Variants in SLC12A4 observed in about 807,000 individuals in gnomAD.
The protein encoded by SLC12A4 is electroneutral potassium-chloride cotransporter 1.
SLC12A4 carries 84 observed loss-of-function variants against 119.2 expected under a neutral mutation model. That is an observed-to-expected ratio of 0.70 (90% CI 0.59 to 0.85). SLC12A4 has a LOEUF of 0.85. SLC12A4 is among the 40% of genes least tolerant of loss of function. The pLI is 0.00. For synonymous variants in SLC12A4, 599 were observed against 604.6 expected (o/e 0.99, Z 0.14); for missense variants, 1,298 against 1,476.3 (o/e 0.88, Z 1.98).
chr16:67,952,193 G>C lies in SLC12A4; in HGVS notation c.908C>G (p.Pro303Arg), dbSNP rs373616736. ...AGGIKSIFDPPVFPVCMLGNR... is the reference protein window; with the variant it reads ...AGGIKSIFDPRVFPVCMLGNR... The stretch of plus-strand genomic sequence containing the variant: ...TTCCTGGGTTACTTACGGAAACACG[G>C]GAGGGTCAAATATAGACTTTATGCC... The change falls in exon 7 of 24, where the codon CCC becomes CGC. Residue 303 changes from proline to arginine, a missense_variant. By Grantham distance (103) the Pro-to-Arg change is moderately radical. Transcript: ENST00000316341. 1.9e-6 allele frequency: 3 copies of C among 1,613,844 alleles called. No individual in the cohort carries two copies. The highest frequency in any genetic ancestry group is 1.7e-5 in the Admixed American group (1 of 59,988).
rs567542501 is a variant in SLC12A4 at position 67,946,958 on chromosome 16, G to A, written c.2220C>T (p.Gly740=). The A allele has an allele frequency of 5.0e-6, 8 of 1,613,094 alleles. No individual in the cohort carries two copies. In the South Asian group the frequency reaches 6.6e-5, roughly 13 times the overall value. ...VIQGSFLESY[G]EAQAAEQTIK... ...GTACCTGCTCGGCGGCCTGAGCCTC[G>A]CCATAGCTCTCCAAGAAGCTCCCCT... The change falls in exon 17 of 24, where the codon GGC becomes GGT. Residue 740 remains glycine (G), a synonymous_variant. Coordinates refer to ENST00000316341, the MANE Select transcript of SLC12A4 (RefSeq NM_005072.5).
rs2058319566 is a variant in SLC12A4, at chr16:67,944,637, C to T, written c.*203G>A. ...GCTAGATAGTAAAGTCCCCAAACAT[C>T]CCAGGGTCCCACAAGACCTGGGATC... is the stretch of plus-strand genomic sequence containing the variant. On this transcript the variant is annotated 3_prime_UTR_variant, in exon 24 of 24. Coordinates refer to ENST00000316341, the MANE Select transcript of SLC12A4 (RefSeq NM_005072.5). This position sits in a 1 kb window ranked among gnomAD's most constrained non-coding sequence, Gnocchi z 6.6. 7.0e-7 allele frequency: 1 copy of T among 1,420,588 alleles called. No homozygotes were observed. Among genetic ancestry groups the T allele is most frequent in the East Asian group, 2.5e-5 (1 of 39,324 alleles). 88.0% of individuals were successfully genotyped at this position (1,420,588 alleles called of 1,614,324 possible).
rs773307386 is a variant in SLC12A4 at position 67,950,404 on chromosome 16, G to A, written c.1544C>T (p.Thr515Met). The A allele has an allele frequency of 6.2e-6, 10 of 1,614,020 alleles. No homozygotes were observed. Among genetic ancestry groups the A allele is most frequent in the South Asian group, 3.3e-5 (3 of 91,084 alleles). Reference sequence around the variant, plus strand: ...GAGGCTCTGGAGGCCAGCGCCACACGTTGAAAAGAAGGAGCCGATGACGAT... The same window carrying A: ...GAGGCTCTGGAGGCCAGCGCCACACATTGAAAAGAAGGAGCCGATGACGAT... The part of the protein sequence containing the change: ...WVIVIGSFFS[T>M]CGAGLQSLTG... The change falls in exon 12 of 24, where the codon ACG (threonine) becomes ATG (methionine). Residue 515 changes from threonine (T) to methionine (M), a missense_variant. Coordinates refer to ENST00000316341, the MANE Select transcript of SLC12A4 (RefSeq NM_005072.5). This position sits in a 1 kb window ranked among gnomAD's most constrained non-coding sequence, Gnocchi z 4.3.
intron 6 of SLC12A4, 54 bp downstream of exon 6, chr16:67,954,589 C>T (rs2030142637): frequency 6.2e-7 from 1 of 1,608,692 alleles, no homozygotes; most frequent in African/African-American, 1.3e-5. Flanking sequence ...TGTTTGGAGT[C>T]CAAAGGGACT....
chr16:67,968,389 G>A (rs1598237372), intron 1 of SLC12A4, 50 bp downstream of exon 1: 2 of 1,479,126 alleles, frequency 1.4e-6, no homozygotes, highest in Non-Finnish European at 1.8e-6. Context: ...TGGCGGCCCC[G>A]GGTGGCAGGC....
In SLC12A4 at chr16:67,944,195, G is replaced by T; in HGVS notation, c.*645C>A. ...GGGCCCTAGGGCCAGTGGGAGGGACGGCCTGGCCAGTGGGGGTTGTGGCCA... is the reference window on the plus strand; with the variant it reads ...GGGCCCTAGGGCCAGTGGGAGGGACTGCCTGGCCAGTGGGGGTTGTGGCCA... On this transcript the variant is annotated 3_prime_UTR_variant, in exon 24 of 24. Coordinates refer to ENST00000316341, the MANE Select transcript of SLC12A4 (RefSeq NM_005072.5). The surrounding 1 kb of genome is among the most constrained non-coding windows in gnomAD (Gnocchi z 6.6). 1.3e-6 allele frequency: 2 copies of T among 1,488,152 alleles called. No individual in the cohort carries two copies. Among genetic ancestry groups the T allele is most frequent in the Non-Finnish European group, 1.8e-6 (2 of 1,111,620 alleles). 92.2% of individuals were successfully genotyped at this position (1,488,152 alleles called of 1,614,324 possible). A position where few individuals can be genotyped will look rare whatever the true frequency, so the allele number is the denominator to read the frequency against.
Position 67,944,415 on chromosome 16 carries a change from T to C in SLC12A4, c.*425A>G. ...TCAGCTTGGTGGGGGGCCCTGCCCA[T>C]AGTAGACTGAGCCAGATCTTCCTGC... On this transcript the variant is annotated 3_prime_UTR_variant, in exon 24 of 24. Transcript: ENST00000316341. This position sits in a 1 kb window ranked among gnomAD's most constrained non-coding sequence, Gnocchi z 6.6. 1.5e-6 allele frequency: 2 copies of C among 1,291,632 alleles called. No homozygotes were observed. Among genetic ancestry groups the C allele is most frequent in the Non-Finnish European group, 2.0e-6 (2 of 1,019,056 alleles). The allele number at this position is 1,291,632 out of a possible 1,614,324, so 80.0% of individuals were successfully genotyped here.
At position 67,951,002 on chromosome 16, in the gene SLC12A4, A is replaced by G; in HGVS notation, c.1356T>C (p.Pro452=). 1 of 1,613,922 alleles carries G rather than the reference A, an allele frequency of 6.2e-7. No homozygotes were observed. Among genetic ancestry groups the G allele is most frequent in the East Asian group, 2.2e-5 (1 of 44,886 alleles). The change falls in exon 10 of 24, where the codon CCT becomes CCC. Residue 452 remains proline, a synonymous_variant. Coordinates refer to ENST00000316341, the MANE Select transcript of SLC12A4 (RefSeq NM_005072.5). The surrounding 1 kb of genome is among the most constrained non-coding windows in gnomAD (Gnocchi z 5.2). ...TAATGATGGCCAGAATGGTCCCCAC[A>G]GGGATAGACTTCTGGGCGTCACGAA... ...GDLRDAQKSI[P]VGTILAIITT...
chr16:67,968,592 G>GCCCGCCGCTGTCCCCGCCGCTGTC lies in SLC12A4; in HGVS notation c.-63_-40dup. The GCCCGCCGCTGTCCCCGCCGCTGTC allele has an allele frequency of 1.3e-5, 19 of 1,448,644 alleles. No homozygotes were observed. Among genetic ancestry groups the GCCCGCCGCTGTCCCCGCCGCTGTC allele is most frequent in the East Asian group, 3.0e-5 (1 of 32,998 alleles). The allele number at this position is 1,448,644 out of a possible 1,614,324, so 89.7% of individuals were successfully genotyped here. A position where few individuals can be genotyped will look rare whatever the true frequency, so the allele number is the denominator to read the frequency against. On this transcript the variant is annotated 5_prime_UTR_variant, in exon 1 of 24. Transcript: ENST00000316341. ...CCCCGCCGCACCCGCCGTCCCAGCC[G>GCCCGCCGCTGTCCCCGCCGCTGTC]CCCGCCGCTGTCCCCGCCGCTGTCC...
rs2058414456 is a variant in SLC12A4 at position 67,951,380 on chromosome 16, G to A, written c.1133-76C>T. The A allele has an allele frequency of 6.6e-6, 10 of 1,517,688 alleles. No individual in the cohort carries two copies. Among genetic ancestry groups the A allele is most frequent in the African/African-American group, 1.4e-5 (1 of 72,444 alleles). The allele number at this position is 1,517,688 out of a possible 1,614,324, so 94.0% of individuals were successfully genotyped here. Reference sequence around the variant, plus strand: ...AGTTTGGGGCAGCCTAGCCAGAGGCGCAGATGCAGGGCAACTTTGGGGACT... The same window carrying A: ...AGTTTGGGGCAGCCTAGCCAGAGGCACAGATGCAGGGCAACTTTGGGGACT... On this transcript the variant is annotated intron_variant, in intron 8 of 23. Coordinates refer to ENST00000316341, the MANE Select transcript of SLC12A4 (RefSeq NM_005072.5). This position sits in a 1 kb window ranked among gnomAD's most constrained non-coding sequence, Gnocchi z 5.2.
chr16:67,959,069 G>C (rs1048046812), intron 3 of SLC12A4, among the ~76,000 whole-genome samples: 1 of 152,272 alleles, frequency 6.6e-6, no homozygotes, highest in African/African-American at 2.4e-5. Flanking sequence ...GTGGTGCTTT[G>C]GAAGCCCCTG....
rs545719685 is a variant in SLC12A4, at chr16:67,952,257, C to A, written c.844G>T (p.Ala282Ser). ...YVNKFASLFL[A>S]CVIISILSIY... ...GAGAGGATGGAGATGATCACACAGG[C>A]CAGGAAGAGCGAGGCAAATTTGTTC... Residue 282 changes from alanine to serine, a missense_variant, in exon 7 of 24, where the codon GCC (alanine) becomes TCC (serine). Coordinates refer to ENST00000316341, the MANE Select transcript of SLC12A4 (RefSeq NM_005072.5). The A allele has an allele frequency of 6.2e-7, 1 of 1,614,096 alleles. No homozygotes were observed. Among genetic ancestry groups the A allele is most frequent in the Admixed American group, 1.7e-5 (1 of 60,016 alleles).
intron 15 of SLC12A4, 106 bp downstream of exon 15, chr16:67,947,563 G>A (rs1567415073): frequency 3.0e-5 from 45 of 1,508,688 alleles, no homozygotes; most frequent in Non-Finnish European, 3.9e-5. Context: ...CCCCAGTCCT[G>A]GCACCCACGG....
At chr16:67,959,726 G>A (rs906539538) in intron 3 of SLC12A4, among the ~76,000 whole-genome samples, 2 of 152,206 alleles carry the variant, frequency 1.3e-5, no homozygotes, top group African/African-American at 4.8e-5. Context: ...AGGACAGTGT[G>A]GGAAAGGGCA....
intron 15 of SLC12A4, 62 bp downstream of exon 15, chr16:67,947,607 C>A: frequency 6.4e-7 from 1 of 1,553,800 alleles, no homozygotes. Flanking sequence ...AATGCCAGAC[C>A]ACCCTGCCTG....
chr16:67,946,422 C>T lies in SLC12A4; in HGVS notation c.2437+16G>A. On this transcript the variant is annotated intron_variant, in intron 18 of 23. Transcript: ENST00000316341. Reference sequence around the variant, plus strand: ...TCACTTCACCCCTGCCCACCAGGCCCCAGGCCTTCACACACCAATGAAGGT... The same window carrying T: ...TCACTTCACCCCTGCCCACCAGGCCTCAGGCCTTCACACACCAATGAAGGT... 1 of 1,603,788 alleles carries T rather than the reference C, an allele frequency of 6.2e-7. No homozygotes were observed. Among genetic ancestry groups the T allele is most frequent in the Non-Finnish European group, 8.5e-7 (1 of 1,179,400 alleles).
rs545242082 is a variant in SLC12A4 at position 67,968,597 on chromosome 16, C to T, written c.-44G>A. 7.2e-7 allele frequency: 1 copy of T among 1,387,012 alleles called. No individual in the cohort carries two copies. The highest frequency in any genetic ancestry group is 9.4e-7 in the Non-Finnish European group (1 of 1,060,040). 85.9% of individuals were successfully genotyped at this position (1,387,012 alleles called of 1,614,324 possible). A position where few individuals can be genotyped will look rare whatever the true frequency, so the allele number is the denominator to read the frequency against. ...CCGCACCCGCCGTCCCAGCCGCCCG[C>T]CGCTGTCCCCGCCGCTGTCCCCGCC... On this transcript the variant is annotated 5_prime_UTR_variant, in exon 1 of 24. Transcript: ENST00000316341.
chr16:67,944,983 G>GCCACCTGGGCCATGC lies in SLC12A4; in HGVS notation c.3167-67_3167-53dup. The GCCACCTGGGCCATGC allele has an allele frequency of 6.2e-7, 1 of 1,611,178 alleles. No individual in the cohort carries two copies. Among genetic ancestry groups the GCCACCTGGGCCATGC allele is most frequent in the Non-Finnish European group, 8.5e-7 (1 of 1,178,634 alleles). ...ACAACAGAATCAACGGGCAACCCGG[G>GCCACCTGGGCCATGC]CCACCTGGGCCATGCCCACCCAGGG... On this transcript the variant is annotated intron_variant, in intron 23 of 23. Transcript: ENST00000316341. The surrounding 1 kb of genome is among the most constrained non-coding windows in gnomAD (Gnocchi z 6.6).
chr16:67,957,511 C>T (rs2030332761), intron 5 of SLC12A4: 2 of 574,846 alleles, frequency 3.5e-6, no homozygotes, highest in Admixed American at 6.2e-5. Flanking sequence ...ACATACATTG[C>T]CCTTTTTTTT....
Sources: allele counts gnomAD v4.1 joint callset (sites outside exome capture counted in the v4.1 genomes callset), GRCh38; gene constraint gnomAD v4.1.1; non-coding constraint Gnocchi (gnomAD v3.1); transcripts MANE v1.5; gene names NCBI Gene and HGNC (gene_info 2026-07-23, HGNC 2026-07-21).